The following WSCD2 variants were observed in gnomAD, a reference collection of about 807,000 sequenced individuals.
WSCD2 encodes sialate:O-sulfotransferase 2.
In WSCD2, 28 loss-of-function variants were observed where a neutral mutation model predicts 55.7. The observed-to-expected ratio is 0.50, with a 90% CI of 0.37 to 0.69. The LOEUF (loss-of-function observed/expected upper bound fraction) is 0.69, where lower values mean the gene tolerates loss of function less well. Ranked by LOEUF, WSCD2 falls within the 30% of genes least tolerant of loss-of-function variation. WSCD2 has a pLI of 0.00. For synonymous variants in WSCD2, 301 were observed against 301.9 expected (o/e 1.00, Z 0.03); for missense variants, 616 against 762.1 (o/e 0.81, Z 2.26).
intron 1 of WSCD2, among the ~76,000 whole-genome samples, chr12:108,150,757 C>G (rs549271922): frequency 6.6e-6 from 1 of 152,150 alleles, no homozygotes; most frequent in Admixed American, 6.5e-5. Flanking sequence ...CGACTGCCCC[C>G]GCACACAAGT....
intron 4 of WSCD2, among the ~76,000 whole-genome samples, chr12:108,221,696 CT>C (rs1887541780): frequency 6.6e-6 from 1 of 152,250 alleles, no homozygotes; most frequent in African/African-American, 2.4e-5. Flanking sequence ...TGGCCCCAAA[CT>C]TTCAAGTGCC....
chr12:108,175,576 A>G (rs1052693873), intron 1 of WSCD2, among the ~76,000 whole-genome samples: 3 of 152,242 alleles, frequency 2.0e-5, no homozygotes, highest in African/African-American at 7.2e-5. Flanking sequence ...TGTGGCTGGT[A>G]CTTCTCAGAG....
chr12:108,240,771 C>A (rs1268138431), intron 8 of WSCD2, among the ~76,000 whole-genome samples: 1 of 152,138 alleles, frequency 6.6e-6, no homozygotes, highest in Non-Finnish European at 1.5e-5. Context: ...TTCTGTGAGC[C>A]GGGCTGCTGC....
In WSCD2 at chr12:108,219,398, G is replaced by A. The variant is rs114605025; in HGVS notation, c.683-5341G>A. Among the ~76,000 whole-genome samples the A allele has an allele frequency of 1.8e-3, 269 of 152,270 alleles. 3 individuals carry two copies. Among genetic ancestry groups the A allele is most frequent in the African/African-American group, 6.3e-3 (263 of 41,552 alleles). On this transcript the variant is annotated intron_variant, in intron 4 of 8. Coordinates refer to ENST00000547525, the MANE Select transcript of WSCD2 (RefSeq NM_014653.4). ...TGGATCTGCACTCACACTGGCATGAGCACAGTCACACATACACATAGGAGG... is the reference window on the plus strand; with the variant it reads ...TGGATCTGCACTCACACTGGCATGAACACAGTCACACATACACATAGGAGG...
intron 7 of WSCD2, among the ~76,000 whole-genome samples, chr12:108,239,367 G>A (rs772830877): frequency 7.2e-5 from 11 of 152,144 alleles, no homozygotes; most frequent in Non-Finnish European, 1.5e-4. Flanking sequence ...CACTTGACTA[G>A]GTCAGTGATT....
chr12:108,237,213 C>T (rs1041838085), intron 7 of WSCD2, among the ~76,000 whole-genome samples: 2 of 152,166 alleles, frequency 1.3e-5, no homozygotes, highest in African/African-American at 4.8e-5. Context: ...TTCTCTGTTC[C>T]TTAGCTCCCC....
intron 1 of WSCD2, among the ~76,000 whole-genome samples, chr12:108,166,853 C>G (rs959569907): frequency 1.4e-5 from 2 of 146,812 alleles, no homozygotes; most frequent in African/African-American, 2.5e-5. Flanking sequence ...GCTCTGTTGC[C>G]CAGGCTGAAG....
At chr12:108,186,568 G>C (rs1183938361) in intron 1 of WSCD2, among the ~76,000 whole-genome samples, 1 of 152,142 alleles carries the variant, frequency 6.6e-6, no homozygotes, top group Admixed American at 6.5e-5. Flanking sequence ...CATAGTTTTG[G>C]CTTTTCCAGA....
chr12:108,236,775 C>T (rs142682620), intron 7 of WSCD2, among the ~76,000 whole-genome samples: 11 of 152,228 alleles, frequency 7.2e-5, no homozygotes, highest in African/African-American at 2.6e-4. Flanking sequence ...TGCCTTCTCC[C>T]CGACTTTGTC....
intron 4 of WSCD2, among the ~76,000 whole-genome samples, chr12:108,217,610 G>A (rs112629530): frequency 6.6e-4 from 101 of 152,178 alleles, no homozygotes; most frequent in African/African-American, 2.3e-3. Context: ...CCTTTCCACC[G>A]GACATCAGGA....
At chr12:108,215,691 G>A (rs1327463135) in intron 4 of WSCD2, among the ~76,000 whole-genome samples, 1 of 152,180 alleles carries the variant, frequency 6.6e-6, no homozygotes, top group African/African-American at 2.4e-5. Flanking sequence ...CATCTTTAAT[G>A]CAGTGGAGCT....
In WSCD2 at chr12:108,132,544, A is replaced by G. The variant is rs148051088; in HGVS notation, c.-552+2618A>G. Among the ~76,000 whole-genome samples the G allele has an allele frequency of 1.1e-4, 16 of 152,290 alleles. No individual in the cohort carries two copies. In the East Asian group the frequency reaches 3.1e-3, roughly 29 times the overall value. The stretch of plus-strand genomic sequence containing the variant: ...TGTGAGTGTGCGTGTGCATGCCTGC[A>G]AGAGAATTGGTGCATTTGTGAATCG... On this transcript the variant is annotated intron_variant, in intron 1 of 8. Coordinates refer to ENST00000547525, the MANE Select transcript of WSCD2 (RefSeq NM_014653.4).
intron 7 of WSCD2, among the ~76,000 whole-genome samples, chr12:108,237,822 A>G (rs1396382702): frequency 6.6e-6 from 1 of 152,192 alleles, no homozygotes; most frequent in Non-Finnish European, 1.5e-5. Context: ...TTTAATCTTG[A>G]TAAATACTGT....
intron 1 of WSCD2, among the ~76,000 whole-genome samples, chr12:108,174,594 C>A (rs1465813445): frequency 6.6e-6 from 1 of 152,152 alleles, no homozygotes; most frequent in Non-Finnish European, 1.5e-5. Flanking sequence ...CACAAAATAT[C>A]TTTGAGCTCC....
chr12:108,203,303 CTCTCA>C (rs1884944232), intron 2 of WSCD2, among the ~76,000 whole-genome samples: 1 of 152,194 alleles, frequency 6.6e-6, no homozygotes, highest in Non-Finnish European at 1.5e-5. Flanking sequence ...CTTCCTGTCA[CTCTCA>C]TCTCTGCTCT....
rs991626029 is a variant in WSCD2 at position 108,217,091 on chromosome 12, A to G, written c.682+6786A>G. Among the ~76,000 whole-genome samples, 5 of 152,364 alleles carry G rather than the reference A, an allele frequency of 3.3e-5. No homozygotes were observed. The East Asian group carries it at 5.8e-4, about 18-fold the overall frequency. On this transcript the variant is annotated intron_variant, in intron 4 of 8. Coordinates refer to ENST00000547525, the MANE Select transcript of WSCD2 (RefSeq NM_014653.4). ...TGCCATCTCATAGACTTTCACCCCA[A>G]CTGTGCAGGGTAGATACAACAATCC...
Position 108,240,449 on chromosome 12 carries a change from T to C in WSCD2, c.1250T>C (p.Leu417Pro). The change falls in exon 8 of 9, where the codon CTC becomes CCC. Residue 417 changes from leucine to proline, a missense_variant. By Grantham distance (98) the Leu-to-Pro change is moderately conservative. Coordinates refer to ENST00000547525, the MANE Select transcript of WSCD2 (RefSeq NM_014653.4). ...GAGGCCTTCGACGCCGCCATCCTGC[T>C]CATCCGCAACCCCTACAAAGCCCTC... ...EIEAFDAAILLIRNPYKALMA... is the reference protein window; with the variant it reads ...EIEAFDAAILPIRNPYKALMA... 6.2e-7 allele frequency: 1 copy of C among 1,614,064 alleles called. No homozygotes were observed. The highest frequency in any genetic ancestry group is 8.5e-7 in the Non-Finnish European group (1 of 1,180,024).
At position 108,232,824 on chromosome 12, in the gene WSCD2, G is replaced by A. The variant is rs763240924; in HGVS notation, c.1073G>A (p.Arg358His). 7 of 1,613,988 alleles carry A rather than the reference G, an allele frequency of 4.3e-6. No individual in the cohort carries two copies. The highest frequency in any genetic ancestry group is 2.2e-5 in the East Asian group (1 of 44,876). Residue 358 changes from arginine (R) to histidine (H), a missense_variant, in exon 7 of 9, where the codon CGC (arginine) becomes CAC (histidine). By Grantham distance (29) the Arg-to-His change is conservative (BLOSUM62 0). This residue lies in a region of WSCD2 where 8 missense variants were observed against 30.1 expected (regional missense o/e 0.27). Transcript: ENST00000547525. ...CCAGGTGCTGGCAACACGTGGGCTC[G>A]CCACCTCATTGAATTGGCCACAGGC... is the stretch of plus-strand genomic sequence containing the variant. Reference protein sequence around the residue: ...SFPGAGNTWARHLIELATGFY... With the variant: ...SFPGAGNTWAHHLIELATGFY...
intron 2 of WSCD2, among the ~76,000 whole-genome samples, chr12:108,200,857 G>A (rs1884577148): frequency 6.6e-6 from 1 of 152,140 alleles, no homozygotes; most frequent in Non-Finnish European, 1.5e-5. Flanking sequence ...CATCCCTTCT[G>A]CCCTGGGGAA....
Sources: allele counts gnomAD v4.1 joint callset (sites outside exome capture counted in the v4.1 genomes callset), GRCh38; gene constraint gnomAD v4.1.1; regional missense constraint gnomAD v4.1.1; transcripts MANE v1.5; gene names NCBI Gene and HGNC (gene_info 2026-07-23, HGNC 2026-07-21).